The following ITGA9 variants were observed in gnomAD, a reference collection of about 807,000 sequenced individuals.
ITGA9 encodes integrin alpha-9.
ITGA9 carries 56 observed loss-of-function variants against 127.8 expected under a neutral mutation model. The observed-to-expected ratio is 0.44, with a 90% CI of 0.35 to 0.55. The LOEUF is 0.55. Ranked by LOEUF, ITGA9 falls within the 20% of genes least tolerant of loss-of-function variation. ITGA9 has a pLI of 0.00. For missense variants in ITGA9, 1,196 were observed against 1,347.1 expected, an observed-to-expected ratio of 0.89 and a Z score of 1.76; for synonymous variants, 508 against 514.5, an observed-to-expected ratio of 0.99 and a Z score of 0.17.
At chr3:37,684,075 C>T in intron 18 of ITGA9, 60 bp downstream of exon 18, 1 of 1,391,832 alleles carries the variant, frequency 7.2e-7, no homozygotes, top group Non-Finnish European at 1.0e-6. Context: ...TGCTGACTTT[C>T]ATTATTGCCT....
intron 26 of ITGA9, among the ~76,000 whole-genome samples, chr3:37,796,878 C>T (rs898049822): frequency 6.6e-6 from 1 of 152,098 alleles, no homozygotes; most frequent in East Asian, 1.9e-4. Context: ...TACTGGAGTC[C>T]GTAGACAGGA....
chr3:37,708,439 T>C (rs1389798119), intron 18 of ITGA9, among the ~76,000 whole-genome samples: 2 of 152,196 alleles, frequency 1.3e-5, no homozygotes, highest in African/African-American at 4.8e-5. Context: ...CTGCAAGGGA[T>C]GTAGTTAAAG....
At chr3:37,512,097 C>T (rs1406674450) in intron 8 of ITGA9, among the ~76,000 whole-genome samples, 5 of 104,396 alleles carry the variant, frequency 4.8e-5, no homozygotes, top group Admixed American at 1.1e-4. Flanking sequence ...TCCTTCCTTC[C>T]TTCCTTCCTT....
At chr3:37,646,374 G>A (rs1414678945) in intron 16 of ITGA9, among the ~76,000 whole-genome samples, 1 of 152,220 alleles carries the variant, frequency 6.6e-6, no homozygotes, top group East Asian at 1.9e-4. Flanking sequence ...AGGATTTAGT[G>A]AGAAGCTGGA....
At position 37,819,062 on chromosome 3, in the gene ITGA9, A is replaced by G; in HGVS notation, c.*73A>G. ...TCTTTGTATCTTCCATATTTGGAAG[A>G]AAAAAATCTTCTCCAGATTTTTCGG... On this transcript the variant is annotated 3_prime_UTR_variant, in exon 28 of 28. Transcript: ENST00000264741. 9 of 1,163,052 alleles carry G rather than the reference A, an allele frequency of 7.7e-6. No individual in the cohort carries two copies. The highest frequency in any genetic ancestry group is 1.2e-5 in the Non-Finnish European group (9 of 775,584). The allele number at this position is 1,163,052 out of a possible 1,614,324, so 72.0% of individuals were successfully genotyped here.
At chr3:37,761,342 T>C (rs1312045715) in intron 23 of ITGA9, among the ~76,000 whole-genome samples, 1 of 152,216 alleles carries the variant, frequency 6.6e-6, no homozygotes. Context: ...TTTAGGAACC[T>C]GTCTCAAAAT....
chr3:37,742,753 C>G (rs765780183), intron 21 of ITGA9, among the ~76,000 whole-genome samples: 1 of 152,342 alleles, frequency 6.6e-6, no homozygotes, highest in Non-Finnish European at 1.5e-5. Context: ...CATCCCTGCA[C>G]TAGCCCGCAC....
At chr3:37,617,901 G>A (rs551592219) in intron 15 of ITGA9, among the ~76,000 whole-genome samples, 1 of 152,078 alleles carries the variant, frequency 6.6e-6, no homozygotes, top group African/African-American at 2.4e-5. Flanking sequence ...TTTGCCATGG[G>A]TTCAAACTTC....
At chr3:37,566,246 A>G (rs1389988025) in intron 15 of ITGA9, among the ~76,000 whole-genome samples, 2 of 152,280 alleles carry the variant, frequency 1.3e-5, no homozygotes, top group African/African-American at 2.4e-5. Context: ...TGTTTTTTCA[A>G]TCTGATAACT....
intron 15 of ITGA9, among the ~76,000 whole-genome samples, chr3:37,544,805 C>G (rs955364595): frequency 6.6e-6 from 1 of 152,226 alleles, no homozygotes; most frequent in African/African-American, 2.4e-5. Flanking sequence ...CAGATAGACA[C>G]ATGTCTCTGA....
chr3:37,508,994 G>A (rs1005977514), intron 8 of ITGA9, among the ~76,000 whole-genome samples: 1 of 152,130 alleles, frequency 6.6e-6, no homozygotes, highest in Non-Finnish European at 1.5e-5. Flanking sequence ...TCTGAGTACA[G>A]GTAGCAATAA....
At chr3:37,485,798 G>A (rs1698604089) in intron 4 of ITGA9, among the ~76,000 whole-genome samples, 1 of 152,182 alleles carries the variant, frequency 6.6e-6, no homozygotes, top group Admixed American at 6.5e-5. Context: ...TTGGAACCAG[G>A]AAAAACAGAG....
At chr3:37,483,311 C>T (rs1481422359) in intron 4 of ITGA9, among the ~76,000 whole-genome samples, 1 of 152,190 alleles carries the variant, frequency 6.6e-6, no homozygotes, top group Non-Finnish European at 1.5e-5. Context: ...GCTCATAATT[C>T]TGCATTACTT....
chr3:37,455,645 T>C (rs995715861), intron 1 of ITGA9, among the ~76,000 whole-genome samples: 1 of 152,242 alleles, frequency 6.6e-6, no homozygotes, highest in African/African-American at 2.4e-5. Context: ...AATTAAGCCT[T>C]GTATCTTACG....
At chr3:37,640,621 T>C (rs750897493) in intron 16 of ITGA9, among the ~76,000 whole-genome samples, 9 of 152,188 alleles carry the variant, frequency 5.9e-5, no homozygotes, top group Non-Finnish European at 1.0e-4. Context: ...GATAATAGAT[T>C]TGTGTTATTT....
At chr3:37,585,339 C>T (rs1295359437) in intron 15 of ITGA9, among the ~76,000 whole-genome samples, 1 of 152,148 alleles carries the variant, frequency 6.6e-6, no homozygotes, top group Admixed American at 6.5e-5. Flanking sequence ...GCCTCTACAT[C>T]ACTAAATGGT....
At chr3:37,783,626 C>T (rs906865037) in intron 25 of ITGA9, among the ~76,000 whole-genome samples, 2 of 152,124 alleles carry the variant, frequency 1.3e-5, no homozygotes, top group African/African-American at 4.8e-5. Flanking sequence ...CCTTAACCAT[C>T]GTGCCTGGCC....
rs151089912 is a variant in ITGA9 at position 37,625,765 on chromosome 3, A to G, written c.1690-3422A>G. On this transcript the variant is annotated intron_variant, in intron 15 of 27. Transcript: ENST00000264741. ...AAGGAAACCGCTAAATTGTGCTGCT[A>G]CTTTTCCTTTGCAGCTCAGATAAAA... 4.0e-3 allele frequency among the ~76,000 whole-genome samples: 606 copies of G among 152,274 alleles called. 1 individual carries two copies. Among genetic ancestry groups the G allele is most frequent in the Non-Finnish European group, 6.1e-3 (418 of 68,016 alleles).
intron 15 of ITGA9, among the ~76,000 whole-genome samples, chr3:37,604,560 C>T (rs556579187): frequency 9.8e-5 from 15 of 152,310 alleles, no homozygotes; most frequent in East Asian, 7.7e-4. Flanking sequence ...AAATCTTTAA[C>T]GGAAGGGTTT....
Sources: allele counts gnomAD v4.1 joint callset (sites outside exome capture counted in the v4.1 genomes callset), GRCh38; gene constraint gnomAD v4.1.1; transcripts MANE v1.5; gene names NCBI Gene and HGNC (gene_info 2026-07-23, HGNC 2026-07-21).